PDE4A: variants seen among roughly 807,000 people sequenced by gnomAD.
The protein encoded by PDE4A is phosphodiesterase 4A.
In PDE4A, 21 loss-of-function variants were observed where a neutral mutation model predicts 73.9. That is an observed-to-expected ratio of 0.28 (90% CI 0.20 to 0.41). The LOEUF (loss-of-function observed/expected upper bound fraction) is 0.41, where lower values mean the gene tolerates loss of function less well. Among genes scored for constraint, PDE4A ranks in the 10% least tolerant of loss-of-function variants. The probability of loss-of-function intolerance (pLI) is 1.00; values close to 1 mark genes in which losing one functional copy is unlikely to be tolerated. For synonymous variants in PDE4A, 463 were observed against 505.4 expected (o/e 0.92, Z 1.13); for missense variants, 958 against 1,211.4 (o/e 0.79, Z 3.10).
chr19:10,465,074 C>T (rs865782815), intron 14 of PDE4A, among the ~76,000 whole-genome samples: 1 of 152,080 alleles, frequency 6.6e-6, no homozygotes, highest in African/African-American at 2.4e-5. Flanking sequence ...GATGTCTCTA[C>T]CCGTCCAGAC....
intron 1 of PDE4A, among the ~76,000 whole-genome samples, chr19:10,440,089 A>G (rs2042917296): frequency 6.7e-6 from 1 of 149,424 alleles, no homozygotes; most frequent in African/African-American, 2.5e-5. Context: ...GGTTCAAGCA[A>G]TTCTCCTGCC....
chr19:10,420,715 GTAGGTT>G lies in PDE4A; in HGVS notation c.-49_-44del. ...TGGCTTGCGCGCAGCTGAGCGGGGTGTAGGTTGGAAGGGCCAGGGCCCCCTGGGGCG... is the reference window on the plus strand; with the variant it reads ...TGGCTTGCGCGCAGCTGAGCGGGGTGGGAAGGGCCAGGGCCCCCTGGGGCG... On this transcript the variant is annotated 5_prime_UTR_variant, in exon 1 of 15. Transcript: ENST00000380702. The surrounding 1 kb of genome is among the most constrained non-coding windows in gnomAD (Gnocchi z 6.0). The G allele has an allele frequency of 1.4e-6, 2 of 1,444,478 alleles. No homozygotes were observed. The highest frequency in any genetic ancestry group is 2.9e-5 in the South Asian group (2 of 69,302). 89.5% of individuals were successfully genotyped at this position (1,444,478 alleles called of 1,614,324 possible).
chr19:10,421,543 G>T (rs1016233274), intron 1 of PDE4A, among the ~76,000 whole-genome samples: 1 of 152,132 alleles, frequency 6.6e-6, no homozygotes, highest in East Asian at 1.9e-4. Context: ...TGCTCTCAGG[G>T]TCCTTCTAGG....
chr19:10,425,984 CAAA>C (rs1168197109), intron 1 of PDE4A, among the ~76,000 whole-genome samples: 2 of 48,382 alleles, frequency 4.1e-5, no homozygotes, highest in African/African-American at 9.3e-5. Context: ...GAGACCCTGT[CAAA>C]AAAAAAAAAA....
At chr19:10,421,589 T>G (rs563430278) in intron 1 of PDE4A, among the ~76,000 whole-genome samples, 10 of 152,136 alleles carry the variant, frequency 6.6e-5, no homozygotes, top group African/African-American at 2.2e-4. Flanking sequence ...GTTAGTGGAC[T>G]CCTCCTGCAG....
At position 10,453,143 on chromosome 19, in the gene PDE4A, T is replaced by C; in HGVS notation, c.784-1686T>C. On this transcript the variant is annotated intron_variant, in intron 6 of 14. Transcript: ENST00000380702. This position sits in a 1 kb window ranked among gnomAD's most constrained non-coding sequence, Gnocchi z 4.6. ...GCCCTGCTGGGCCGGCCCAGGCCCC[T>C]CCGCGGCTCCCCCTTCCACTACCCA... The C allele has an allele frequency of 7.0e-7, 1 of 1,425,564 alleles. No individual in the cohort carries two copies. The highest frequency in any genetic ancestry group is 9.2e-7 in the Non-Finnish European group (1 of 1,089,372). The allele number at this position is 1,425,564 out of a possible 1,614,324, so 88.3% of individuals were successfully genotyped here. A position where few individuals can be genotyped will look rare whatever the true frequency, so the allele number is the denominator to read the frequency against.
rs557554847 is a variant in PDE4A, at chr19:10,464,967, T to A, written c.1926+992T>A. Among the ~76,000 whole-genome samples, 3 of 152,064 alleles carry A rather than the reference T, an allele frequency of 2.0e-5. No individual in the cohort carries two copies. The South Asian group carries it at 6.2e-4, about 31-fold the overall frequency. ...CCTGGGCTCACTCAGTCTGCCTCCC[T>A]CAGCCTCCCAAAGTGCTGGGATTAC... On this transcript the variant is annotated intron_variant, in intron 14 of 14. Transcript: ENST00000380702.
Position 10,459,511 on chromosome 19 carries a change from G to C in PDE4A, c.1200+13G>C. ...CATGATATTCCAGGTGATGGGGACAGCTGGGAGTGGGCCCGGGTGAGGGGC... is the reference window on the plus strand; with the variant it reads ...CATGATATTCCAGGTGATGGGGACACCTGGGAGTGGGCCCGGGTGAGGGGC... On this transcript the variant is annotated intron_variant, in intron 9 of 14. Transcript: ENST00000380702. 6.2e-7 allele frequency: 1 copy of C among 1,612,664 alleles called. No individual in the cohort carries two copies. The highest frequency in any genetic ancestry group is 1.1e-5 in the South Asian group (1 of 91,038).
chr19:10,420,491 G>A (rs1312167183), upstream of PDE4A: 12 of 885,822 alleles, frequency 1.4e-5, no homozygotes, highest in Non-Finnish European at 1.1e-5. This position sits in a 1 kb window ranked among gnomAD's most constrained non-coding sequence, Gnocchi z 6.0. Context: ...CGGAGGAGCC[G>A]GGGCTGGCGC....
intron 1 of PDE4A, among the ~76,000 whole-genome samples, chr19:10,426,066 G>A (rs975346776): frequency 2.0e-5 from 3 of 151,072 alleles, no homozygotes; most frequent in Admixed American, 6.6e-5. Context: ...TTGGCCAGGC[G>A]AGGTGGCTCA....
chr19:10,438,310 A>G (rs2042892437), intron 1 of PDE4A, among the ~76,000 whole-genome samples: 1 of 150,642 alleles, frequency 6.6e-6, no homozygotes, highest in African/African-American at 2.4e-5. Flanking sequence ...ACGGGGTTTC[A>G]TCATGTTGGC....
chr19:10,429,545 C>A (rs1057268947), intron 1 of PDE4A, among the ~76,000 whole-genome samples: 1 of 152,152 alleles, frequency 6.6e-6, no homozygotes, highest in African/African-American at 2.4e-5. Flanking sequence ...GCCATGTCAC[C>A]TGGGCTGGTC....
intron 7 of PDE4A, among the ~76,000 whole-genome samples, chr19:10,457,521 C>G (rs1374385944): frequency 6.6e-6 from 1 of 151,194 alleles, no homozygotes; most frequent in Admixed American, 6.6e-5. Context: ...GCACTCTTGG[C>G]CCCCATGCTG....
intron 1 of PDE4A, chr19:10,431,073 T>TGGGCTG (rs2042782631): frequency 1.3e-6 from 2 of 1,562,352 alleles, no homozygotes; most frequent in East Asian, 2.5e-5. Context: ...CCGCCAGGCT[T>TGGGCTG]GGGCTGGGGC....
chr19:10,422,586 G>A (rs1029730707), intron 1 of PDE4A, among the ~76,000 whole-genome samples: 5 of 152,090 alleles, frequency 3.3e-5, no homozygotes, highest in Admixed American at 2.0e-4. Flanking sequence ...GCTCCTGAGT[G>A]AGGCCTCTCT....
Position 10,438,617 on chromosome 19 carries a change from T to C in PDE4A, c.321-7601T>C, listed in dbSNP as rs529208950. On this transcript the variant is annotated intron_variant, in intron 1 of 14. Transcript: ENST00000380702. Reference sequence around the variant, plus strand: ...GCATAATGTTTTTTTGTTTGTTTGTTTGTTTTTGAGACAGAGTTTCACTCT... The same window carrying C: ...GCATAATGTTTTTTTGTTTGTTTGTCTGTTTTTGAGACAGAGTTTCACTCT... Among the ~76,000 whole-genome samples the C allele has an allele frequency of 1.2e-4, 18 of 152,216 alleles. No individual in the cohort carries two copies. The East Asian group carries it at 3.5e-3, about 29-fold the overall frequency.
chr19:10,458,701 C>G lies in PDE4A; in HGVS notation c.1101+599C>G, dbSNP rs141100360. On this transcript the variant is annotated intron_variant, in intron 8 of 14. Coordinates refer to ENST00000380702, the MANE Select transcript of PDE4A (RefSeq NM_001111307.2). The surrounding 1 kb of genome is among the most constrained non-coding windows in gnomAD (Gnocchi z 4.6). ...TAGTGTGATCTCGGCTCAAGGCAAC[C>G]TCCACCTCCTGGGTTCAAGCAATAC... Among the ~76,000 whole-genome samples, 316 of 150,572 alleles carry G rather than the reference C, an allele frequency of 2.1e-3. 3 individuals carry two copies. Among genetic ancestry groups the G allele is most frequent in the African/African-American group, 7.2e-3 (296 of 40,884 alleles).
At chr19:10,456,532 A>T (rs74179925) in intron 7 of PDE4A, among the ~76,000 whole-genome samples, 36,877 of 148,808 alleles carry the variant, frequency 0.25, 4,984 homozygotes, top group East Asian at 0.47. Context: ...TCTCAAAAAA[A>T]AAATAAATAA....
rs1269979804 is a variant in PDE4A, at chr19:10,461,583, C to A, written c.1523C>A (p.Ala508Asp). The A allele has an allele frequency of 2.5e-6, 4 of 1,613,980 alleles. No individual in the cohort carries two copies. Among genetic ancestry groups the A allele is most frequent in the Non-Finnish European group, 3.4e-6 (4 of 1,179,988 alleles). The change falls in exon 12 of 15, where the codon GCC (alanine) becomes GAC (aspartate). Residue 508 changes from alanine to aspartate, a missense_variant. Physicochemically the swap from Ala to Asp is moderately radical, Grantham distance 126. Around this residue, in one of 3 missense-constraint regions of PDE4A, gnomAD observed 570 missense variants for 827.7 expected, o/e 0.69. Coordinates refer to ENST00000380702, the MANE Select transcript of PDE4A (RefSeq NM_001111307.2). The part of the protein sequence containing the change: ...DESVLENHHL[A>D]VGFKLLQEDN... The stretch of plus-strand genomic sequence containing the variant: ...TCGGTGCTCGAGAATCACCACCTGG[C>A]CGTGGGCTTCAAGCTGCTGCAGGAG...
Sources: gnomAD v4.1 joint callset for allele counts (sites outside exome capture counted in the v4.1 genomes callset) on GRCh38, gnomAD v4.1.1 for gene constraint, gnomAD v4.1.1 regional missense constraint, Gnocchi (gnomAD v3.1) non-coding constraint, MANE v1.5 for transcripts, NCBI Gene and HGNC (gene_info 2026-07-23, HGNC 2026-07-21) for gene names.